The following ETV6 variants were observed in gnomAD, a reference collection of about 807,000 sequenced individuals.
ETV6 encodes ETS variant transcription factor 6, also known as transcription factor ETV6.
A neutral mutation model predicts 51.1 loss-of-function variants in ETV6; 16 were observed. That is an observed-to-expected ratio of 0.31 (90% CI 0.21 to 0.48). The LOEUF (loss-of-function observed/expected upper bound fraction) is 0.48, where lower values mean the gene tolerates loss of function less well. Among genes scored for constraint, ETV6 ranks in the 20% least tolerant of loss-of-function variants. The probability of loss-of-function intolerance (pLI) is 0.99; values close to 1 mark genes in which losing one functional copy is unlikely to be tolerated. For synonymous variants in ETV6, 240 were observed against 224.1 expected, an observed-to-expected ratio of 1.07 and a Z score of -0.64; for missense variants, 458 against 594.8, an observed-to-expected ratio of 0.77 and a Z score of 2.39.
At position 11,893,819 on chromosome 12, in the gene ETV6, TATATATATATATATATATATATAC is replaced by T. The variant is rs1565573379; in HGVS notation, c.*2775_*2798del. The stretch of plus-strand genomic sequence containing the variant: ...TTATATATATATATATATATATATA[TATATATATATATATATATATATAC>T]ACACACACACACATACACAAATATT... On this transcript the variant is annotated 3_prime_UTR_variant, in exon 8 of 8. Transcript: ENST00000396373. 4.5e-4 allele frequency: 57 copies of T among 126,360 alleles called. 1 individual carries two copies. Among genetic ancestry groups the T allele is most frequent in the Non-Finnish European group, 5.5e-4 (37 of 67,768 alleles). The allele number at this position is 126,360 out of a possible 1,614,324, so 7.8% of individuals were successfully genotyped here. A position where few individuals can be genotyped will look rare whatever the true frequency, so the allele number is the denominator to read the frequency against.
intron 2 of ETV6, among the ~76,000 whole-genome samples, chr12:11,772,547 G>T (rs989184701): frequency 1.3e-5 from 2 of 152,166 alleles, no homozygotes; most frequent in African/African-American, 4.8e-5. Flanking sequence ...AATTTCTAAG[G>T]AGTTTAATCT....
intron 2 of ETV6, among the ~76,000 whole-genome samples, chr12:11,782,543 G>T (rs1021286527): frequency 1.3e-5 from 2 of 152,110 alleles, no homozygotes; most frequent in Non-Finnish European, 2.9e-5. Flanking sequence ...TGTAATAATA[G>T]GCTCATATTT....
At chr12:11,768,313 G>A (rs1945193149) in intron 2 of ETV6, among the ~76,000 whole-genome samples, 1 of 152,152 alleles carries the variant, frequency 6.6e-6, no homozygotes, top group Non-Finnish European at 1.5e-5. Flanking sequence ...AGTTTACTGG[G>A]TGTGTACTAT....
rs1947371161 is a variant in ETV6 at position 11,894,996 on chromosome 12, G to A, written c.*3950G>A. The A allele has an allele frequency of 1.3e-5, 3 of 233,584 alleles. No individual in the cohort carries two copies. Among genetic ancestry groups the A allele is most frequent in the East Asian group, 1.2e-4 (2 of 16,612 alleles). 14.5% of individuals were successfully genotyped at this position (233,584 alleles called of 1,614,324 possible). A position where few individuals can be genotyped will look rare whatever the true frequency, so the allele number is the denominator to read the frequency against. On this transcript the variant is annotated 3_prime_UTR_variant, in exon 8 of 8. Transcript: ENST00000396373. ...GTAGAAATAAAGGCTGTGACACAAG[G>A]AAGCCAGTGGGGTGGGAGGGAGGCA...
intron 2 of ETV6, among the ~76,000 whole-genome samples, chr12:11,800,151 C>A (rs1272245414): frequency 1.3e-5 from 2 of 152,110 alleles, no homozygotes; most frequent in Non-Finnish European, 2.9e-5. Context: ...GAGTGGACAT[C>A]TAAGGACTGA....
At position 11,886,257 on chromosome 12, in the gene ETV6, AC is replaced by A. The variant is rs554253400; in HGVS notation, c.1253+233del. Among the ~76,000 whole-genome samples, 264 of 152,342 alleles carry A rather than the reference AC, an allele frequency of 1.7e-3. 2 individuals carry two copies. The highest frequency in any genetic ancestry group is 2.3e-3 in the Non-Finnish European group (156 of 68,038). On this transcript the variant is annotated intron_variant, in intron 7 of 7. Coordinates refer to ENST00000396373, the MANE Select transcript of ETV6 (RefSeq NM_001987.5). The stretch of plus-strand genomic sequence containing the variant: ...AAACTAAATGAACAGAATCTGACTC[AC>A]CTTTAAAATAACGCAGTGACCAAAT...
chr12:11,852,137 T>C lies in ETV6; in HGVS notation c.329-1290T>C, dbSNP rs934122137. Among the ~76,000 whole-genome samples, 7 of 152,282 alleles carry C rather than the reference T, an allele frequency of 4.6e-5. No individual in the cohort carries two copies. The East Asian group carries it at 1.2e-3, about 25-fold the overall frequency. On this transcript the variant is annotated intron_variant, in intron 3 of 7. Coordinates refer to ENST00000396373, the MANE Select transcript of ETV6 (RefSeq NM_001987.5). ...ATTTATCACCCACCCCCAAAGGGTT[T>C]TGAGGCACCCACCTGCATTTTCAGC...
chr12:11,663,255 T>C lies in ETV6; in HGVS notation c.33+13095T>C, dbSNP rs557748604. Among the ~76,000 whole-genome samples the C allele has an allele frequency of 1.8e-3, 276 of 152,272 alleles. 2 individuals carry two copies. The highest frequency in any genetic ancestry group is 6.4e-3 in the African/African-American group (268 of 41,562). On this transcript the variant is annotated intron_variant, in intron 1 of 7. Coordinates refer to ENST00000396373, the MANE Select transcript of ETV6 (RefSeq NM_001987.5). ...GTTCCTAGGTACAGCTACCAAAGGC[T>C]CAAGCTTAAGCACCAACACTGGAGG...
At chr12:11,674,157 T>C (rs1375738567) in intron 1 of ETV6, among the ~76,000 whole-genome samples, 1 of 152,166 alleles carries the variant, frequency 6.6e-6, no homozygotes, top group Non-Finnish European at 1.5e-5. Context: ...AGCAGTGTGC[T>C]CGCGTGGCCA....
At chr12:11,863,595 T>C (rs925066050) in intron 4 of ETV6, among the ~76,000 whole-genome samples, 3 of 152,330 alleles carry the variant, frequency 2.0e-5, no homozygotes, top group South Asian at 4.1e-4. Flanking sequence ...GTTTTCCAGC[T>C]GGGCAGCTCA....
At chr12:11,752,042 A>G (rs1247208405) in intron 1 of ETV6, among the ~76,000 whole-genome samples, 2 of 152,246 alleles carry the variant, frequency 1.3e-5, no homozygotes, top group African/African-American at 2.4e-5. Context: ...TTGCTACAGA[A>G]GAGAAAACAT....
intron 2 of ETV6, among the ~76,000 whole-genome samples, chr12:11,793,130 G>A (rs1158879245): frequency 1.3e-5 from 2 of 151,882 alleles, no homozygotes; most frequent in East Asian, 1.9e-4. Flanking sequence ...TGGAACAATG[G>A]TGACTGATAT....
intron 2 of ETV6, among the ~76,000 whole-genome samples, chr12:11,777,912 A>C (rs1945354726): frequency 6.6e-6 from 1 of 152,158 alleles, no homozygotes; most frequent in South Asian, 2.1e-4. Context: ...ACAGGTTCCC[A>C]GTTTATCCTC....
chr12:11,787,603 G>A (rs1048534741), intron 2 of ETV6, among the ~76,000 whole-genome samples: 1 of 151,784 alleles, frequency 6.6e-6, no homozygotes, highest in Non-Finnish European at 1.5e-5. Context: ...CTCACTCCTT[G>A]TTTTGCAGGT....
intron 1 of ETV6, among the ~76,000 whole-genome samples, chr12:11,722,181 T>A (rs913288202): frequency 1.3e-5 from 2 of 152,170 alleles, no homozygotes; most frequent in East Asian, 3.8e-4. Flanking sequence ...CAATAATAAT[T>A]CTTCTCCCAC....
Position 11,884,594 on chromosome 12 carries a change from G to A in ETV6, c.1152+7G>A, listed in dbSNP as rs775616216. On this transcript the variant is annotated splice_region_variant and intron_variant, in intron 6 of 7. Coordinates refer to ENST00000396373, the MANE Select transcript of ETV6 (RefSeq NM_001987.5). ...ACTGTGGGGAAACCATAAGGTAAAA[G>A]GGCAGCAGATATCTGCTCCATAAAC... is the stretch of plus-strand genomic sequence containing the variant. 1.2e-5 allele frequency: 19 copies of A among 1,613,778 alleles called. No individual in the cohort carries two copies. Among genetic ancestry groups the A allele is most frequent in the Non-Finnish European group, 1.4e-5 (17 of 1,179,994 alleles).
intron 2 of ETV6, among the ~76,000 whole-genome samples, chr12:11,791,917 A>C (rs1428810974): frequency 6.6e-6 from 1 of 152,208 alleles, no homozygotes; most frequent in Non-Finnish European, 1.5e-5. Context: ...GGGTGGGTGC[A>C]GTAGCAAAAC....
chr12:11,819,394 A>G (rs1946043298), intron 2 of ETV6, among the ~76,000 whole-genome samples: 1 of 152,160 alleles, frequency 6.6e-6, no homozygotes, highest in Admixed American at 6.5e-5. Context: ...CTGCTGCCTA[A>G]ATGTTTTCCT....
chr12:11,794,665 C>T (rs924563199), intron 2 of ETV6, among the ~76,000 whole-genome samples: 1 of 152,084 alleles, frequency 6.6e-6, no homozygotes, highest in African/African-American at 2.4e-5. Flanking sequence ...CTATCAGTGC[C>T]CATTTTTTAT....
Sources: gnomAD v4.1 joint callset for allele counts (sites outside exome capture counted in the v4.1 genomes callset) on GRCh38, gnomAD v4.1.1 for gene constraint, MANE v1.5 for transcripts, NCBI Gene and HGNC (gene_info 2026-07-23, HGNC 2026-07-21) for gene names.